The following EYS variants were observed in gnomAD, a reference collection of about 807,000 sequenced individuals.
EYS encodes the protein protein eyes shut homolog.
A neutral mutation model predicts 282.1 loss-of-function variants in EYS; 250 were observed. The observed-to-expected ratio is 0.89, with a 90% CI of 0.80 to 0.98. EYS has a LOEUF of 0.98. EYS is among the 50% of genes least tolerant of loss of function. The pLI, the probability that EYS is intolerant of heterozygous loss-of-function variation, is 0.00. For synonymous variants in EYS, 1,355 were observed against 1,282.9 expected, an observed-to-expected ratio of 1.06 and a Z score of -1.20; for missense variants, 4,016 against 3,709.0, an observed-to-expected ratio of 1.08 and a Z score of -2.15.
chr6:65,389,011 C>G (rs1398647403), intron 7 of EYS, among the ~76,000 whole-genome samples: 1 of 152,078 alleles, frequency 6.6e-6, no homozygotes, highest in African/African-American at 2.4e-5. Flanking sequence ...TATGCCCTCT[C>G]TCCAATTCTA....
At chr6:64,089,988 C>A (rs556583831) in intron 31 of EYS, among the ~76,000 whole-genome samples, 1 of 152,220 alleles carries the variant, frequency 6.6e-6, no homozygotes, top group South Asian at 2.1e-4. Context: ...TCTCTGTTAA[C>A]AGTTGATCAT....
At chr6:65,457,898 C>G (rs1764686550) in intron 5 of EYS, among the ~76,000 whole-genome samples, 1 of 152,098 alleles carries the variant, frequency 6.6e-6, no homozygotes, top group South Asian at 2.1e-4. Context: ...GCTTGAGTAG[C>G]TGCTCAAGCT....
intron 33 of EYS, among the ~76,000 whole-genome samples, chr6:64,051,317 A>G (rs1353828536): frequency 2.0e-5 from 3 of 152,198 alleles, no homozygotes; most frequent in African/African-American, 7.2e-5. Context: ...ACAGTTAAGT[A>G]GAAACAGGAA....
intron 40 of EYS, among the ~76,000 whole-genome samples, chr6:63,768,311 T>G (rs1769846831): frequency 1.3e-5 from 2 of 151,750 alleles, no homozygotes; most frequent in Admixed American, 1.3e-4. Flanking sequence ...GGAGAAAATA[T>G]TCACACACTA....
At chr6:64,252,996 C>G (rs1222096290) in intron 30 of EYS, among the ~76,000 whole-genome samples, 1 of 152,014 alleles carries the variant, frequency 6.6e-6, no homozygotes, top group Non-Finnish European at 1.5e-5. Flanking sequence ...GTGTTAGAGC[C>G]TTTAACATAA....
At chr6:64,001,013 T>C (rs1768073876) in intron 33 of EYS, among the ~76,000 whole-genome samples, 1 of 152,180 alleles carries the variant, frequency 6.6e-6, no homozygotes, top group Non-Finnish European at 1.5e-5. Context: ...ACATAAATCA[T>C]TTGAGGAAAA....
chr6:65,608,754 GATTT>G (rs1033465499), intron 2 of EYS, among the ~76,000 whole-genome samples: 44 of 151,890 alleles, frequency 2.9e-4, no homozygotes, highest in African/African-American at 1.0e-3. Context: ...AATTTTAAAA[GATTT>G]ATTTTCGTTT....
intron 36 of EYS, among the ~76,000 whole-genome samples, chr6:63,851,470 GTC>G (rs1772248222): frequency 6.6e-6 from 1 of 152,124 alleles, no homozygotes; most frequent in Non-Finnish European, 1.5e-5. Flanking sequence ...ATAACAAACA[GTC>G]TCTCAGACCA....
rs1345198767 is a variant in EYS, at chr6:65,578,826, GACT to G, written c.-333+60949_-333+60951del. Among the ~76,000 whole-genome samples the G allele has an allele frequency of 3.3e-5, 5 of 151,806 alleles. 1 individual carries two copies. The highest frequency in any genetic ancestry group is 3.3e-4 in the Admixed American group (5 of 15,202). ...CAAAATAACCTCATAAAAAATTGAGGACTATAACTAATTTATTAATCCTTTTAT... is the reference window on the plus strand; with the variant it reads ...CAAAATAACCTCATAAAAAATTGAGGATAACTAATTTATTAATCCTTTTAT... On this transcript the variant is annotated intron_variant, in intron 2 of 42. Transcript: ENST00000503581.
At chr6:65,149,472 A>T (rs900960140) in intron 12 of EYS, among the ~76,000 whole-genome samples, 1 of 152,054 alleles carries the variant, frequency 6.6e-6, no homozygotes, top group Non-Finnish European at 1.5e-5. Context: ...AAACCATTCA[A>T]CATGTCTCTA....
At chr6:63,754,386 C>G (rs1478281958) in intron 41 of EYS, among the ~76,000 whole-genome samples, 1 of 152,036 alleles carries the variant, frequency 6.6e-6, no homozygotes, top group Admixed American at 6.6e-5. Context: ...TGTTCCCCAC[C>G]CTATGTCCAT....
intron 13 of EYS, among the ~76,000 whole-genome samples, chr6:65,007,697 A>T (rs992415105): frequency 6.6e-6 from 1 of 152,102 alleles, no homozygotes; most frequent in African/African-American, 2.4e-5. Context: ...AGATAAATAA[A>T]CAATTAACCA....
At chr6:64,410,138 C>T (rs141490121) in intron 28 of EYS, among the ~76,000 whole-genome samples, 2 of 152,142 alleles carry the variant, frequency 1.3e-5, no homozygotes, top group African/African-American at 4.8e-5. Context: ...GGGCATTTAA[C>T]CAGGCAGGAC....
rs1235981344 is a variant in EYS, at chr6:64,902,445, G to T, written c.2697C>A (p.Cys899Ter). The change falls in exon 17 of 43, where the codon TGC becomes TGA. Residue 899 changes from cysteine to a stop codon, truncating the protein, a stop_gained. Transcript: ENST00000503581. LOFTEE classifies it high-confidence loss of function. ...IDVKDCLFLS[C>*]QDYGDCEDMV... ...TATCTTCACAGTCACCATAATCCTGGCAGGAAAGGAAGAGGCAGTCTTTCA... is the reference window on the plus strand; with the variant it reads ...TATCTTCACAGTCACCATAATCCTGTCAGGAAAGGAAGAGGCAGTCTTTCA... The T allele has an allele frequency of 6.5e-7, 1 of 1,533,116 alleles. No homozygotes were observed. The highest frequency in any genetic ancestry group is 2.5e-5 in the East Asian group (1 of 40,686). The allele number at this position is 1,533,116 out of a possible 1,614,324, so 95.0% of individuals were successfully genotyped here.
intron 1 of EYS, among the ~76,000 whole-genome samples, chr6:65,647,305 T>C (rs1287342055): frequency 6.6e-6 from 1 of 152,116 alleles, no homozygotes; most frequent in Non-Finnish European, 1.5e-5. Flanking sequence ...ATGGTACAGG[T>C]ATAAAAATAG....
At chr6:64,988,971 CA>C (rs906332143) in intron 14 of EYS, among the ~76,000 whole-genome samples, 17 of 151,526 alleles carry the variant, frequency 1.1e-4, no homozygotes, top group African/African-American at 4.1e-4. Context: ...CTCAGAGAAA[CA>C]CTAGGTGCAC....
intron 5 of EYS, among the ~76,000 whole-genome samples, chr6:65,416,112 T>C (rs1487806366): frequency 6.6e-6 from 1 of 151,910 alleles, no homozygotes; most frequent in African/African-American, 2.4e-5. Flanking sequence ...GAAAGTATGG[T>C]AAAGGCTCAA....
chr6:65,345,293 G>A (rs1050662236), intron 9 of EYS, among the ~76,000 whole-genome samples: 5 of 151,620 alleles, frequency 3.3e-5, no homozygotes, highest in African/African-American at 1.2e-4. Context: ...TCAAACACAA[G>A]AGAAGAAAAG....
Position 65,182,830 on chromosome 6 carries a change from C to A in EYS, c.2023+113033G>T, listed in dbSNP as rs192620057. On this transcript the variant is annotated intron_variant, in intron 12 of 42. Transcript: ENST00000503581. ...TTGAGACAAGGTCTCACTCTATCAC[C>A]CAGGCTGGAGTGCAGAGGCACAATC... Among the ~76,000 whole-genome samples, 169 of 151,958 alleles carry A rather than the reference C, an allele frequency of 1.1e-3. 1 individual carries two copies. The highest frequency in any genetic ancestry group is 3.9e-3 in the African/African-American group (162 of 41,480).
Sources: allele counts gnomAD v4.1 joint callset (sites outside exome capture counted in the v4.1 genomes callset), GRCh38; gene constraint gnomAD v4.1.1; transcripts MANE v1.5; gene names NCBI Gene and HGNC (gene_info 2026-07-23, HGNC 2026-07-21).